The following CACNG4 variants were observed in gnomAD, a reference collection of about 807,000 sequenced individuals.
CACNG4 encodes calcium voltage-gated channel auxiliary subunit gamma 4.
In CACNG4, 8 loss-of-function variants were observed where a neutral mutation model predicts 22.9. The observed-to-expected ratio is 0.35, with a 90% CI of 0.21 to 0.63. The LOEUF is 0.63. Ranked by LOEUF, CACNG4 falls within the 30% of genes least tolerant of loss-of-function variation. The pLI, the probability that CACNG4 is intolerant of heterozygous loss-of-function variation, is 0.72. For synonymous variants in CACNG4, 188 were observed against 191.9 expected, an observed-to-expected ratio of 0.98 and a Z score of 0.17; for missense variants, 357 against 455.4, an observed-to-expected ratio of 0.78 and a Z score of 1.97.
chr17:67,024,003 G>C (rs1019558343), intron 2 of CACNG4, among the ~76,000 whole-genome samples: 1 of 152,352 alleles, frequency 6.6e-6, no homozygotes. Context: ...AAAGGGGACT[G>C]AGGTGGTCAC....
intron 1 of CACNG4, among the ~76,000 whole-genome samples, chr17:67,011,648 T>G (rs2035468942): frequency 6.8e-6 from 1 of 147,554 alleles, no homozygotes; most frequent in Non-Finnish European, 1.5e-5. Context: ...AATGAATGAA[T>G]GAATGAGTGA....
chr17:67,018,140 G>T, intron 1 of CACNG4, 49 bp from the exon 2 acceptor site: 1 of 1,408,546 alleles, frequency 7.1e-7, no homozygotes, highest in Non-Finnish European at 1.0e-6. Flanking sequence ...GAACGGATGA[G>T]TGAACCCAGA....
At chr17:67,028,017 C>T (rs2035578303) in intron 3 of CACNG4, among the ~76,000 whole-genome samples, 1 of 151,194 alleles carries the variant, frequency 6.6e-6, no homozygotes, top group African/African-American at 2.4e-5. Flanking sequence ...AAGACTCTGT[C>T]TCAAAAAAAA....
At chr17:67,006,511 C>T (rs938291282) in intron 1 of CACNG4, among the ~76,000 whole-genome samples, 6 of 152,236 alleles carry the variant, frequency 3.9e-5, no homozygotes, top group African/African-American at 1.4e-4. Context: ...AAACATGCCT[C>T]TGGGCTTCGT....
At chr17:66,980,526 C>A (rs181852296) in intron 1 of CACNG4, among the ~76,000 whole-genome samples, 1 of 151,932 alleles carries the variant, frequency 6.6e-6, no homozygotes, top group East Asian at 1.9e-4. Flanking sequence ...CAAGCTTAAG[C>A]AGGCTTCATT....
At chr17:67,024,817 A>G (rs1432873351) in intron 2 of CACNG4, 43 bp from the exon 3 acceptor site, 9 of 1,457,546 alleles carry the variant, frequency 6.2e-6, no homozygotes, top group Non-Finnish European at 6.3e-6. Context: ...AGGGCACCTG[A>G]TCTCACTGCC....
intron 2 of CACNG4, chr17:67,021,891 C>G (rs543413623): frequency 3.3e-5 from 5 of 152,438 alleles, no homozygotes; most frequent in Non-Finnish European, 5.9e-5. Context: ...CATCCCTCCA[C>G]CCCTTAGCCA....
chr17:67,011,919 C>T (rs1405670644), intron 1 of CACNG4, among the ~76,000 whole-genome samples: 1 of 152,150 alleles, frequency 6.6e-6, no homozygotes, highest in Non-Finnish European at 1.5e-5. Context: ...GCCTTCTTTC[C>T]CAGGGCCTGG....
At chr17:66,965,624 C>T (rs1397108578) in intron 1 of CACNG4, among the ~76,000 whole-genome samples, 2 of 150,230 alleles carry the variant, frequency 1.3e-5, no homozygotes, top group Non-Finnish European at 3.0e-5. Flanking sequence ...AACTGGCCAT[C>T]CTGGGGCGGG....
Position 67,031,660 on chromosome 17 carries a change from G to A in CACNG4, c.*656G>A, listed in dbSNP as rs546999144. The stretch of plus-strand genomic sequence containing the variant: ...CCTCGACCTGGGGAGGCCGTGGCCT[G>A]TGGAGGAGGCCCAGGTAAAGGCTGG... On this transcript the variant is annotated 3_prime_UTR_variant, in exon 4 of 4. Transcript: ENST00000262138. The surrounding 1 kb of genome is among the most constrained non-coding windows in gnomAD (Gnocchi z 4.0). 2.2e-6 allele frequency: 1 copy of A among 456,810 alleles called. No homozygotes were observed. The highest frequency in any genetic ancestry group is 4.4e-6 in the Non-Finnish European group (1 of 226,980). 28.3% of individuals were successfully genotyped at this position (456,810 alleles called of 1,614,324 possible).
chr17:66,982,048 G>C (rs2035278157), intron 1 of CACNG4, among the ~76,000 whole-genome samples: 1 of 152,170 alleles, frequency 6.6e-6, no homozygotes, highest in African/African-American at 2.4e-5. Context: ...TGGGCTCGCT[G>C]ACCTCAAGAA....
At chr17:66,982,186 G>C (rs908880049) in intron 1 of CACNG4, among the ~76,000 whole-genome samples, 1 of 152,238 alleles carries the variant, frequency 6.6e-6, no homozygotes, top group African/African-American at 2.4e-5. Flanking sequence ...GGAGACCCAA[G>C]CGGATTGCCG....
At chr17:67,015,406 G>A (rs988477331) in intron 1 of CACNG4, among the ~76,000 whole-genome samples, 5 of 152,302 alleles carry the variant, frequency 3.3e-5, no homozygotes, top group East Asian at 3.9e-4. Context: ...GGGGCTGTGC[G>A]AGGGCAGCGT....
chr17:67,013,926 A>G (rs1166806920), intron 1 of CACNG4, among the ~76,000 whole-genome samples: 1 of 152,168 alleles, frequency 6.6e-6, no homozygotes, highest in Admixed American at 6.5e-5. Flanking sequence ...CTGTGCACAC[A>G]CCCCGTGCCT....
rs549312331 is a variant in CACNG4, at chr17:67,027,518, A to C, written c.445+2518A>C. Reference sequence around the variant, plus strand: ...ACCAGCCCTAGCAGGGAGGTCTGACAGGCTCTTAAAGAACTCGAGGTGGAA... The same window carrying C: ...ACCAGCCCTAGCAGGGAGGTCTGACCGGCTCTTAAAGAACTCGAGGTGGAA... On this transcript the variant is annotated intron_variant, in intron 3 of 3. Transcript: ENST00000262138. This position sits in a 1 kb window ranked among gnomAD's most constrained non-coding sequence, Gnocchi z 4.3. 1.1e-4 allele frequency among the ~76,000 whole-genome samples: 17 copies of C among 152,352 alleles called. No individual in the cohort carries two copies. In the East Asian group the frequency reaches 3.3e-3, roughly 29 times the overall value.
chr17:66,994,915 C>T (rs752412723), intron 1 of CACNG4, among the ~76,000 whole-genome samples: 3 of 152,202 alleles, frequency 2.0e-5, no homozygotes, highest in South Asian at 4.2e-4. Context: ...TGGAGCCATT[C>T]GCCCCCTTGA....
chr17:66,968,939 G>A (rs1337167109), intron 1 of CACNG4, among the ~76,000 whole-genome samples: 1 of 151,274 alleles, frequency 6.6e-6, no homozygotes, highest in Non-Finnish European at 1.5e-5. Flanking sequence ...GGTCACCACA[G>A]TCAGTCATCT....
intron 1 of CACNG4, among the ~76,000 whole-genome samples, chr17:66,983,330 C>G (rs966549887): frequency 6.6e-6 from 1 of 152,212 alleles, no homozygotes; most frequent in Non-Finnish European, 1.5e-5. Context: ...GCCTGCTGCA[C>G]GCTGGGGAAA....
In CACNG4 at chr17:66,979,810, C is replaced by T. The variant is rs1002739881; in HGVS notation, c.220+14679C>T. 1.3e-4 allele frequency among the ~76,000 whole-genome samples: 16 copies of T among 127,700 alleles called. 1 individual carries two copies. The Admixed American group carries it at 1.3e-3, about 10-fold the overall frequency. 83.8% of individuals were successfully genotyped at this position (127,700 alleles called of 152,430 possible). A position where few individuals can be genotyped will look rare whatever the true frequency, so the allele number is the denominator to read the frequency against. On this transcript the variant is annotated intron_variant, in intron 1 of 3. Coordinates refer to ENST00000262138, the MANE Select transcript of CACNG4 (RefSeq NM_014405.4). Reference sequence around the variant, plus strand: ...TGTAGCCCAGGCTGGAGTGCAGTGGCGCAATCTCTGCTCACTGCAACCTCT... The same window carrying T: ...TGTAGCCCAGGCTGGAGTGCAGTGGTGCAATCTCTGCTCACTGCAACCTCT...
Sources: gnomAD v4.1 joint callset for allele counts (sites outside exome capture counted in the v4.1 genomes callset) on GRCh38, gnomAD v4.1.1 for gene constraint, Gnocchi (gnomAD v3.1) non-coding constraint, MANE v1.5 for transcripts, NCBI Gene and HGNC (gene_info 2026-07-23, HGNC 2026-07-21) for gene names.